The following BANP variants were observed in gnomAD, a reference collection of about 807,000 sequenced individuals.
BANP encodes the protein BTG3 associated nuclear protein.
A neutral mutation model predicts 68.1 loss-of-function variants in BANP; 11 were observed. That is an observed-to-expected ratio of 0.16 (90% CI 0.10 to 0.27). The LOEUF (loss-of-function observed/expected upper bound fraction) is 0.27, where lower values mean the gene tolerates loss of function less well. BANP is among the 10% of genes least tolerant of loss of function. The pLI is 1.00. For synonymous variants in BANP, 329 were observed against 303.2 expected, an observed-to-expected ratio of 1.09 and a Z score of -0.88; for missense variants, 504 against 722.7, an observed-to-expected ratio of 0.70 and a Z score of 3.47.
chr16:88,049,655 A>G (rs1023433495), intron 11 of BANP, among the ~76,000 whole-genome samples: 1 of 152,152 alleles, frequency 6.6e-6, no homozygotes, highest in East Asian at 1.9e-4. Flanking sequence ...TGTGGGAGTT[A>G]GGGGCCAGGA....
intron 13 of BANP, among the ~76,000 whole-genome samples, chr16:88,073,113 C>T (rs1375280004): frequency 2.6e-5 from 4 of 152,248 alleles, no homozygotes; most frequent in South Asian, 2.1e-4. Context: ...GTGTGCCCCT[C>T]AGCCCTCGGG....
At chr16:88,069,499 C>G (rs1297986632) in intron 12 of BANP, among the ~76,000 whole-genome samples, 1 of 152,184 alleles carries the variant, frequency 6.6e-6, no homozygotes, top group African/African-American at 2.4e-5. Flanking sequence ...CTGGAGGGAG[C>G]CGGAGGGTAA....
At chr16:88,007,061 T>G (rs1019447369) in intron 6 of BANP, among the ~76,000 whole-genome samples, 1 of 151,842 alleles carries the variant, frequency 6.6e-6, no homozygotes, top group Non-Finnish European at 1.5e-5. Context: ...GGTTTTTTGG[T>G]GCACATTTTA....
chr16:88,076,828 C>G lies in BANP; in HGVS notation c.*167C>G. 1 of 601,568 alleles carries G rather than the reference C, an allele frequency of 1.7e-6. No homozygotes were observed. The highest frequency in any genetic ancestry group is 2.8e-6 in the Non-Finnish European group (1 of 351,580). The allele number at this position is 601,568 out of a possible 1,614,324, so 37.3% of individuals were successfully genotyped here. ...AACAGCATCCTATCAACTGAAAGAG[C>G]AGCCGCCGCCGCCCCCAGCCGGAGA... On this transcript the variant is annotated 3_prime_UTR_variant, in exon 14 of 14. Transcript: ENST00000682872.
chr16:87,961,222 G>T (rs915920247), intron 1 of BANP, among the ~76,000 whole-genome samples: 2 of 152,246 alleles, frequency 1.3e-5, no homozygotes, highest in African/African-American at 4.8e-5. Flanking sequence ...CACTTGTTGC[G>T]TGTTGGTGTG....
At chr16:87,996,522 C>T (rs1188270280) in intron 4 of BANP, among the ~76,000 whole-genome samples, 1 of 123,868 alleles carries the variant, frequency 8.1e-6, no homozygotes, top group Non-Finnish European at 1.7e-5. Context: ...GGCTCTGGTT[C>T]TGAGTGTTGC....
intron 1 of BANP, among the ~76,000 whole-genome samples, chr16:87,971,131 C>T (rs1250826735): frequency 6.6e-6 from 1 of 152,126 alleles, no homozygotes; most frequent in Non-Finnish European, 1.5e-5. Flanking sequence ...TCCTTATAGC[C>T]ATTGAACATT....
chr16:88,048,159 T>C (rs756414415), intron 11 of BANP, among the ~76,000 whole-genome samples: 2 of 152,246 alleles, frequency 1.3e-5, no homozygotes, highest in African/African-American at 4.8e-5. Flanking sequence ...GTATATCATA[T>C]AGGGGATAGT....
intron 4 of BANP, among the ~76,000 whole-genome samples, chr16:88,001,708 A>G (rs141609358): frequency 6.6e-5 from 10 of 152,274 alleles, no homozygotes; most frequent in African/African-American, 2.4e-4. Context: ...TCTAAATATC[A>G]TGATGGATTT....
At chr16:88,008,494 G>T in intron 6 of BANP, among the ~76,000 whole-genome samples, 1 of 152,086 alleles carries the variant, frequency 6.6e-6, no homozygotes, top group Non-Finnish European at 1.5e-5. Flanking sequence ...CCCCCTTCAG[G>T]CCTGATGTTT....
intron 11 of BANP, among the ~76,000 whole-genome samples, chr16:88,040,480 T>C (rs1180223608): frequency 2.1e-5 from 3 of 145,028 alleles, no homozygotes; most frequent in African/African-American, 7.9e-5. Context: ...TCCCCATGCC[T>C]ACAGAAGCCC....
rs1284392741 is a variant in BANP, at chr16:87,957,291, A to G, written c.-69+5776A>G. ...CAGCGTGGGAGCTGTGGAAGGACAC[A>G]TGGAGCAGAGGCGGCTGAGGAGGTG... On this transcript the variant is annotated intron_variant, in intron 1 of 13. Transcript: ENST00000682872. The surrounding 1 kb of genome is among the most constrained non-coding windows in gnomAD (Gnocchi z 4.3). Among the ~76,000 whole-genome samples the G allele has an allele frequency of 6.6e-6, 1 of 152,172 alleles. No homozygotes were observed. The highest frequency in any genetic ancestry group is 2.4e-5 in the African/African-American group (1 of 41,438).
At chr16:88,016,302 T>C (rs1405146630) in intron 6 of BANP, among the ~76,000 whole-genome samples, 1 of 152,204 alleles carries the variant, frequency 6.6e-6, no homozygotes, top group East Asian at 1.9e-4. Flanking sequence ...TCGGCCACTG[T>C]CCTCCCACAT....
intron 10 of BANP, among the ~76,000 whole-genome samples, chr16:88,035,931 G>A (rs1410981934): frequency 1.3e-5 from 2 of 152,198 alleles, no homozygotes; most frequent in East Asian, 3.8e-4. Flanking sequence ...CTCAGTTTCT[G>A]GAGCTCTACC....
At chr16:88,034,147 T>C (rs2078797791) in intron 9 of BANP, among the ~76,000 whole-genome samples, 1 of 152,120 alleles carries the variant, frequency 6.6e-6, no homozygotes, top group Non-Finnish European at 1.5e-5. Flanking sequence ...TTCCGGAAAA[T>C]TCTGGGGCTT....
In BANP at chr16:88,004,628, G is replaced by A. The variant is rs1325768171; in HGVS notation, c.479+217G>A. ...TCCAGCCACACCAGGGGCAGCTGCC[G>A]CCGGGGACTTCTGTGTCTCGTGCTG... is the stretch of plus-strand genomic sequence containing the variant. On this transcript the variant is annotated intron_variant, in intron 5 of 13. Coordinates refer to ENST00000682872, the MANE Select transcript of BANP (RefSeq NM_001386991.1). This position sits in a 1 kb window ranked among gnomAD's most constrained non-coding sequence, Gnocchi z 7.0. 6.6e-6 allele frequency among the ~76,000 whole-genome samples: 1 copy of A among 152,124 alleles called. No homozygotes were observed. Among genetic ancestry groups the A allele is most frequent in the Non-Finnish European group, 1.5e-5 (1 of 68,020 alleles).
chr16:87,969,419 T>C (rs1221970680), intron 1 of BANP, among the ~76,000 whole-genome samples: 1 of 152,192 alleles, frequency 6.6e-6, no homozygotes, highest in African/African-American at 2.4e-5. Flanking sequence ...GCAACAGCCA[T>C]GTTTTCTGAT....
chr16:87,981,218 A>T (rs1014908328), intron 3 of BANP, 91 bp downstream of exon 3: 18 of 952,104 alleles, frequency 1.9e-5, no homozygotes, highest in African/African-American at 1.5e-4. Context: ...TGGCTTCAAA[A>T]TGTAGCCTCT....
rs143016172 is a variant in BANP at position 88,005,590 on chromosome 16, C to T, written c.480-500C>T. On this transcript the variant is annotated intron_variant, in intron 5 of 13. Transcript: ENST00000682872. Reference sequence around the variant, plus strand: ...GATGATGGCAGCTCCGATGGGATCTCAGTGGGTTTTTTAAGCCCCGTCAGG... The same window carrying T: ...GATGATGGCAGCTCCGATGGGATCTTAGTGGGTTTTTTAAGCCCCGTCAGG... Among the ~76,000 whole-genome samples, 502 of 152,322 alleles carry T rather than the reference C, an allele frequency of 3.3e-3. 2 individuals are homozygous for T. Among genetic ancestry groups the T allele is most frequent in the African/African-American group, 0.01 (435 of 41,570 alleles).
Sources: gnomAD v4.1 joint callset for allele counts (sites outside exome capture counted in the v4.1 genomes callset) on GRCh38, gnomAD v4.1.1 for gene constraint, Gnocchi (gnomAD v3.1) non-coding constraint, MANE v1.5 for transcripts, NCBI Gene and HGNC (gene_info 2026-07-23, HGNC 2026-07-21) for gene names.